Variants in CDK5RAP3 observed in about 807,000 individuals in gnomAD.
The protein encoded by CDK5RAP3 is CDK5 regulatory subunit associated protein 3.
In CDK5RAP3, 58 loss-of-function variants were observed where a neutral mutation model predicts 73.3. The observed-to-expected ratio is 0.79, with a 90% CI of 0.64 to 0.98. The LOEUF is 0.98. Ranked by LOEUF, CDK5RAP3 falls within the 50% of genes least tolerant of loss-of-function variation. CDK5RAP3 has a pLI of 0.00. For missense variants in CDK5RAP3, 525 were observed against 615.8 expected (o/e 0.85, Z 1.56); for synonymous variants, 224 against 247.5 (o/e 0.91, Z 0.89).
chr17:47,974,634 G>A, intron 5 of CDK5RAP3, 186 bp downstream of exon 5: 3 of 1,416,896 alleles, frequency 2.1e-6, no homozygotes, highest in Non-Finnish European at 2.8e-6. Flanking sequence ...TGGAGTGCTG[G>A]GGGAAGGAGG....
At chr17:47,973,303 T>C (rs17617053) in intron 2 of CDK5RAP3, among the ~76,000 whole-genome samples, 9,485 of 152,290 alleles carry the variant, frequency 0.062, 395 homozygotes, top group Non-Finnish European at 0.095. Context: ...AATTGCTCTA[T>C]AAAAATCACA....
Position 47,975,864 on chromosome 17 carries a change from T to G in CDK5RAP3, c.654-5T>G. 1.2e-6 allele frequency: 2 copies of G among 1,613,716 alleles called. No individual in the cohort carries two copies. The highest frequency in any genetic ancestry group is 3.3e-5 in the Admixed American group (2 of 59,998). ...CAGGAGAGTCAGTTGTGTGCTCTGT[T>G]GAAGCCCCACAGAGCAGGTGTTGCC... On this transcript the variant is annotated splice_polypyrimidine_tract_variant and splice_region_variant and intron_variant, in intron 7 of 13. Coordinates refer to ENST00000338399, the MANE Select transcript of CDK5RAP3 (RefSeq NM_176096.3).
chr17:47,980,460 G>C, intron 11 of CDK5RAP3, 133 bp from the exon 12 acceptor site: 1 of 762,092 alleles, frequency 1.3e-6, no homozygotes, highest in Non-Finnish European at 2.3e-6. Context: ...GTAGAGACAG[G>C]GTCTCATCGT....
chr17:47,971,157 G>A lies in CDK5RAP3; in HGVS notation c.6+5G>A. On this transcript the variant is annotated splice_donor_5th_base_variant and intron_variant, in intron 1 of 13. Coordinates refer to ENST00000338399, the MANE Select transcript of CDK5RAP3 (RefSeq NM_176096.3). ...GGAAGTGGAGGAAAGATGGAGGTGT[G>A]GGGACAGGAGCTGGGTGTGCTGGGG... The A allele has an allele frequency of 6.5e-7, 1 of 1,548,596 alleles. No homozygotes were observed. The highest frequency in any genetic ancestry group is 2.4e-5 in the East Asian group (1 of 40,928).
intron 4 of CDK5RAP3, 82 bp downstream of exon 4, chr17:47,974,113 C>T (rs1429031130): frequency 2.1e-6 from 2 of 957,878 alleles, no homozygotes; most frequent in African/African-American, 3.2e-5. Flanking sequence ...CTCTCTGAGG[C>T]TCCAGTGGGG....
chr17:47,971,695 C>T (rs945208611), intron 2 of CDK5RAP3, among the ~76,000 whole-genome samples: 3 of 152,138 alleles, frequency 2.0e-5, no homozygotes, highest in Non-Finnish European at 4.4e-5. Flanking sequence ...CACTGCCGGG[C>T]GCGGTGGCTC....
At chr17:47,970,877 C>G (rs1312381079), upstream of CDK5RAP3, 15 of 1,415,954 alleles carry the variant, frequency 1.1e-5, no homozygotes, top group South Asian at 1.4e-5. Context: ...GCAGCGCACC[C>G]CCTCCCGTCC....
rs889288994 is a variant in CDK5RAP3 at position 47,974,692 on chromosome 17, T to C, written c.334+244T>C. ...TTCGCCGTGCCTCAGCGAGCAGGTG[T>C]GTGTGGGTCCTCCACCACTCACCTC... On this transcript the variant is annotated intron_variant, in intron 5 of 13. Coordinates refer to ENST00000338399, the MANE Select transcript of CDK5RAP3 (RefSeq NM_176096.3). The C allele has an allele frequency of 3.1e-4, 416 of 1,355,336 alleles. 1 individual carries two copies. Among genetic ancestry groups the C allele is most frequent in the Middle Eastern group, 1.1e-3 (4 of 3,504 alleles). The allele number at this position is 1,355,336 out of a possible 1,614,324, so 84.0% of individuals were successfully genotyped here.
At chr17:47,980,215 C>T (rs539531365) in intron 11 of CDK5RAP3, 6 of 264,158 alleles carry the variant, frequency 2.3e-5, no homozygotes, top group East Asian at 2.0e-4. Context: ...TCGAGTAGTC[C>T]GAGGGCTTAG....
chr17:47,970,745 A>T, upstream of CDK5RAP3: 1 of 1,532,148 alleles, frequency 6.5e-7, no homozygotes, highest in Non-Finnish European at 8.7e-7. Context: ...GGCCTCCCAG[A>T]TCGGCGCTAG....
At chr17:47,971,750 A>C (rs1281017675) in intron 2 of CDK5RAP3, among the ~76,000 whole-genome samples, 3 of 152,020 alleles carry the variant, frequency 2.0e-5, no homozygotes, top group African/African-American at 7.3e-5. Flanking sequence ...TGGGCGAATC[A>C]CCTGAGGTCA....
chr17:47,974,937 T>G (rs2036362660), intron 5 of CDK5RAP3: 1 of 1,416,086 alleles, frequency 7.1e-7, no homozygotes, highest in Admixed American at 2.8e-5. Flanking sequence ...GTCATGTGGA[T>G]TCTCTCTTGC....
upstream of CDK5RAP3, among the ~76,000 whole-genome samples, chr17:47,968,666 C>A (rs544325596): frequency 6.6e-6 from 1 of 152,262 alleles, no homozygotes; most frequent in African/African-American, 2.4e-5. Flanking sequence ...TACAGGCGTA[C>A]GCCACCACGC....
At chr17:47,978,050 C>G in intron 10 of CDK5RAP3, 140 bp downstream of exon 10, 1 of 535,086 alleles carries the variant, frequency 1.9e-6, no homozygotes, top group Non-Finnish European at 3.3e-6. Flanking sequence ...AGGATGTGAG[C>G]TGAGGGGGAC....
At chr17:47,974,574 T>C (rs2036349711) in intron 5 of CDK5RAP3, 126 bp downstream of exon 5, 2 of 1,540,512 alleles carry the variant, frequency 1.3e-6, no homozygotes, top group South Asian at 1.2e-5. Flanking sequence ...ATGTTGCCCA[T>C]TTGTAGGTGG....
chr17:47,973,614 G>C lies in CDK5RAP3; in HGVS notation c.148G>C (p.Glu50Gln), dbSNP rs936905346. ...CAATGCTGCCATCCAGGACATGCCA[G>C]AGAGCGAAGAGATCGCCCAGCTGCT... ...KINAAIQDMP[E>Q]SEEIAQLLSG... The change falls in exon 3 of 14, where the codon GAG (glutamate) becomes CAG (glutamine). Residue 50 changes from glutamate to glutamine, a missense_variant. Transcript: ENST00000338399. 3.2e-5 allele frequency: 52 copies of C among 1,614,054 alleles called. No homozygotes were observed. Among genetic ancestry groups the C allele is most frequent in the Non-Finnish European group, 4.2e-5 (50 of 1,180,044 alleles).
intron 5 of CDK5RAP3, 123 bp from the exon 6 acceptor site, chr17:47,975,036 G>A: frequency 6.2e-7 from 1 of 1,602,882 alleles, no homozygotes; most frequent in Non-Finnish European, 8.5e-7. Flanking sequence ...CCACAGCTGG[G>A]AACAAGTGGG....
chr17:47,980,583 C>T lies in CDK5RAP3; in HGVS notation c.1078-10C>T. On this transcript the variant is annotated splice_polypyrimidine_tract_variant and intron_variant, in intron 11 of 13. Coordinates refer to ENST00000338399, the MANE Select transcript of CDK5RAP3 (RefSeq NM_176096.3). The stretch of plus-strand genomic sequence containing the variant: ...TGTACAGCCTGAACCAATCTTTCTT[C>T]TGTCCTCAGCTTGAGATCTTCTTAG... 5 of 1,611,928 alleles carry T rather than the reference C, an allele frequency of 3.1e-6. No individual in the cohort carries two copies. Among genetic ancestry groups the T allele is most frequent in the Non-Finnish European group, 4.2e-6 (5 of 1,179,508 alleles).
chr17:47,969,556 CAAAAAAAA>C (rs36208323), upstream of CDK5RAP3, among the ~76,000 whole-genome samples: 16 of 79,852 alleles, frequency 2.0e-4, no homozygotes, highest in African/African-American at 5.5e-4. Flanking sequence ...GACTCCGTCT[CAAAAAAAA>C]AAAAAAAAAA....
Sources: allele counts gnomAD v4.1 joint callset (sites outside exome capture counted in the v4.1 genomes callset), GRCh38; gene constraint gnomAD v4.1.1; transcripts MANE v1.5; gene names NCBI Gene and HGNC (gene_info 2026-07-23, HGNC 2026-07-21).